NPAS2: variants seen among roughly 807,000 people sequenced by gnomAD.
NPAS2 encodes neuronal PAS domain protein 2, also known as neuronal PAS domain-containing protein 2.
Under a neutral mutation model 107.5 loss-of-function variants are expected in NPAS2, and 23 were observed. That is an observed-to-expected ratio of 0.21 (90% CI 0.15 to 0.30). The LOEUF (loss-of-function observed/expected upper bound fraction) is 0.30. Ranked by LOEUF, NPAS2 falls within the 10% of genes least tolerant of loss-of-function variation. The probability of loss-of-function intolerance (pLI) is 1.00; values close to 1 mark genes in which losing one functional copy is unlikely to be tolerated. For synonymous variants in NPAS2, 403 were observed against 417.5 expected, an observed-to-expected ratio of 0.97 and a Z score of 0.42; for missense variants, 756 against 1,043.3, an observed-to-expected ratio of 0.72 and a Z score of 3.79.
intron 1 of NPAS2, among the ~76,000 whole-genome samples, chr2:100,826,083 A>G (rs1573400656): frequency 6.6e-6 from 1 of 152,232 alleles, no homozygotes; most frequent in Non-Finnish European, 1.5e-5. Flanking sequence ...GTAATGACTG[A>G]TAACCATGGG....
chr2:100,968,327 C>G lies in NPAS2; in HGVS notation c.954C>G (p.Thr318=), dbSNP rs1226585269. Residue 318 remains threonine (T), a synonymous_variant, in exon 11 of 21, where the codon ACC becomes ACG. Transcript: ENST00000335681. The surrounding 1 kb of genome is among the most constrained non-coding windows in gnomAD (Gnocchi z 5.3). ...KGKSCCYRFL[T]KGQQWIWLQT... The stretch of plus-strand genomic sequence containing the variant: ...AGTCGTGTTGCTACCGGTTTCTGAC[C>G]AAAGGTCAGCAGTGGATCTGGCTGC... 6.2e-7 allele frequency: 1 copy of G among 1,613,966 alleles called. No individual in the cohort carries two copies. Among genetic ancestry groups the G allele is most frequent in the Non-Finnish European group, 8.5e-7 (1 of 1,179,994 alleles).
chr2:100,907,411 T>C (rs1180745444), intron 2 of NPAS2, among the ~76,000 whole-genome samples: 1 of 150,560 alleles, frequency 6.6e-6, no homozygotes, highest in Non-Finnish European at 1.5e-5. Flanking sequence ...TCCCTTGTAC[T>C]CAGATGGAAA....
chr2:100,956,614 T>G (rs1345047720), intron 7 of NPAS2, among the ~76,000 whole-genome samples: 1 of 152,178 alleles, frequency 6.6e-6, no homozygotes, highest in Non-Finnish European at 1.5e-5. Context: ...ATCAACTGAG[T>G]TGGTCCAAGA....
intron 1 of NPAS2, among the ~76,000 whole-genome samples, chr2:100,821,990 A>T (rs1168449253): frequency 6.6e-6 from 1 of 152,240 alleles, no homozygotes; most frequent in Middle Eastern, 3.2e-3. Context: ...GACGTTCAGT[A>T]ATTATCTTCC....
At chr2:100,954,664 C>CAAAAAAAAAAAAA (rs1194534141) in intron 7 of NPAS2, among the ~76,000 whole-genome samples, 14 of 81,318 alleles carry the variant, frequency 1.7e-4, no homozygotes, top group East Asian at 2.6e-4. Flanking sequence ...AACTGTGTCT[C>CAAAAAAAAAAAAA]AAAAAAAAAA....
At chr2:100,901,558 G>C in intron 1 of NPAS2, 1 of 985,016 alleles carries the variant, frequency 1.0e-6, no homozygotes, top group Non-Finnish European at 1.2e-6. Context: ...CTGTGCAGAG[G>C]ATCCTGCAGA....
chr2:100,979,719 G>A (rs1010704459), intron 15 of NPAS2, among the ~76,000 whole-genome samples: 2 of 151,698 alleles, frequency 1.3e-5, no homozygotes, highest in South Asian at 2.1e-4. Flanking sequence ...TTGTGGAGAC[G>A]GGGTTTCGCT....
intron 1 of NPAS2, among the ~76,000 whole-genome samples, chr2:100,868,227 A>G (rs1259351396): frequency 6.6e-6 from 1 of 152,172 alleles, no homozygotes. Context: ...AAATATCTCT[A>G]TTTTATCAAT....
At position 100,976,601 on chromosome 2, in the gene NPAS2, G is replaced by T. The variant is rs1677025425; in HGVS notation, c.1392+1034G>T. On this transcript the variant is annotated intron_variant, in intron 14 of 20. Transcript: ENST00000335681. The surrounding 1 kb of genome is among the most constrained non-coding windows in gnomAD (Gnocchi z 4.1). Reference sequence around the variant, plus strand: ...CACACTTCACTGTCACTTTGGAGATGGAGTGAACGTGCCACCTTCCTGCTT... The same window carrying T: ...CACACTTCACTGTCACTTTGGAGATTGAGTGAACGTGCCACCTTCCTGCTT... The T allele has an allele frequency of 6.6e-6, 1 of 152,160 alleles. No homozygotes were observed. 9.4% of individuals were successfully genotyped at this position (152,160 alleles called of 1,614,324 possible). A position where few individuals can be genotyped will look rare whatever the true frequency, so the allele number is the denominator to read the frequency against.
chr2:100,893,421 G>A (rs914647712), intron 1 of NPAS2, among the ~76,000 whole-genome samples: 6 of 152,180 alleles, frequency 3.9e-5, no homozygotes, highest in African/African-American at 1.4e-4. Context: ...AATTCTACCA[G>A]GCTTGGTTGG....
chr2:100,907,921 T>A (rs1024790331), intron 2 of NPAS2, among the ~76,000 whole-genome samples: 1 of 152,216 alleles, frequency 6.6e-6, no homozygotes, highest in Admixed American at 6.5e-5. Context: ...ACAGCTTGAT[T>A]GAGAGATATT....
chr2:100,982,680 A>C (rs189522335), intron 16 of NPAS2: 9 of 402,882 alleles, frequency 2.2e-5, no homozygotes, highest in Non-Finnish European at 3.2e-5. Flanking sequence ...CCCTGCATGG[A>C]TGCCTGCCTC....
At chr2:100,929,749 C>T (rs1445245521) in intron 3 of NPAS2, among the ~76,000 whole-genome samples, 1 of 152,152 alleles carries the variant, frequency 6.6e-6, no homozygotes, top group Non-Finnish European at 1.5e-5. Flanking sequence ...AGGTAAGGCC[C>T]AGGCATCAGC....
intron 1 of NPAS2, chr2:100,878,704 A>T: frequency 6.5e-6 from 4 of 611,560 alleles, no homozygotes; most frequent in Non-Finnish European, 8.2e-6. Flanking sequence ...ATTCTCACTG[A>T]TACCCAACTA....
intron 15 of NPAS2, among the ~76,000 whole-genome samples, chr2:100,978,160 C>G (rs999892803): frequency 6.6e-6 from 1 of 152,140 alleles, no homozygotes; most frequent in Non-Finnish European, 1.5e-5. Flanking sequence ...CACATCCCCC[C>G]ACCCTTGCCC....
intron 1 of NPAS2, among the ~76,000 whole-genome samples, chr2:100,896,100 C>G (rs1025023078): frequency 7.9e-5 from 12 of 152,184 alleles, no homozygotes; most frequent in Non-Finnish European, 1.3e-4. Flanking sequence ...CTAGAGCTTT[C>G]TGTGCCCCAG....
chr2:100,824,525 A>C, intron 1 of NPAS2, among the ~76,000 whole-genome samples: 1 of 152,206 alleles, frequency 6.6e-6, no homozygotes, highest in East Asian at 1.9e-4. Flanking sequence ...GTCACTTTCC[A>C]GGATCAAAGC....
At chr2:100,846,417 G>C (rs572192584) in intron 1 of NPAS2, among the ~76,000 whole-genome samples, 1 of 152,260 alleles carries the variant, frequency 6.6e-6, no homozygotes, top group East Asian at 1.9e-4. Context: ...TTTTAAAAAG[G>C]CATTTCTTCT....
chr2:100,823,904 T>C (rs1676219385), intron 1 of NPAS2, among the ~76,000 whole-genome samples: 1 of 152,116 alleles, frequency 6.6e-6, no homozygotes, highest in African/African-American at 2.4e-5. Context: ...ATGGAGAGCC[T>C]TGTGACTTGG....
Sources: gnomAD v4.1 joint callset for allele counts (sites outside exome capture counted in the v4.1 genomes callset) on GRCh38, gnomAD v4.1.1 for gene constraint, Gnocchi (gnomAD v3.1) non-coding constraint, MANE v1.5 for transcripts, NCBI Gene and HGNC (gene_info 2026-07-23, HGNC 2026-07-21) for gene names.